RAB38: variants seen among roughly 807,000 people sequenced by gnomAD.
RAB38 encodes the protein RAB38, member RAS oncogene family, also known as ras-related protein Rab-38.
RAB38 carries 15 observed loss-of-function variants against 18.4 expected under a neutral mutation model. The observed-to-expected ratio is 0.82, with a 90% CI of 0.55 to 1.26. The LOEUF (loss-of-function observed/expected upper bound fraction) is 1.26, where lower values mean the gene tolerates loss of function less well. RAB38 is among the 50% of genes most tolerant of loss of function. RAB38 has a pLI of 0.00. For missense variants in RAB38, 294 were observed against 267.4 expected (o/e 1.10, Z -0.69); for synonymous variants, 101 against 104.4 (o/e 0.97, Z 0.20).
At chr11:88,129,109 T>G in intron 2 of RAB38, among the ~76,000 whole-genome samples, 1 of 152,150 alleles carries the variant, frequency 6.6e-6, no homozygotes, top group East Asian at 1.9e-4. Context: ...TAGAAAATAT[T>G]TTTCCGTAAA....
At chr11:87,976,118 A>T in the RAB38 span, among the ~76,000 whole-genome samples, 1 of 141,902 alleles carries the variant, frequency 7.0e-6, no homozygotes, top group Non-Finnish European at 1.6e-5. Flanking sequence ...GTGTGCGTGT[A>T]AATATATATA....
the RAB38 span, among the ~76,000 whole-genome samples, chr11:87,862,438 T>C: frequency 2.6e-5 from 4 of 152,002 alleles, no homozygotes; most frequent in African/African-American, 7.2e-5. Flanking sequence ...TGTTCTCACT[T>C]ACAAGTGGAA....
chr11:87,967,722 A>G, the RAB38 span, among the ~76,000 whole-genome samples: 2 of 152,240 alleles, frequency 1.3e-5, no homozygotes, highest in Non-Finnish European at 2.9e-5. Context: ...CCAAAGAAGA[A>G]GTGACTGATT....
the RAB38 span, among the ~76,000 whole-genome samples, chr11:88,059,681 T>C: frequency 6.6e-6 from 1 of 152,224 alleles, no homozygotes; most frequent in African/African-American, 2.4e-5. Context: ...GTCCTGAGTC[T>C]GTTACACTGA....
chr11:88,121,814 G>A (rs551561482), intron 2 of RAB38, among the ~76,000 whole-genome samples: 19 of 151,800 alleles, frequency 1.3e-4, no homozygotes, highest in Non-Finnish European at 2.4e-4. Context: ...TGCTCACCTC[G>A]GCCTCCCAAA....
the RAB38 span, among the ~76,000 whole-genome samples, chr11:88,089,332 G>A: frequency 6.6e-6 from 1 of 151,352 alleles, no homozygotes; most frequent in South Asian, 2.1e-4. Flanking sequence ...AGTGTCCCTA[G>A]TGTAAACTTT....
the RAB38 span, among the ~76,000 whole-genome samples, chr11:87,976,593 C>A: frequency 8.0e-5 from 4 of 50,116 alleles, no homozygotes; most frequent in Non-Finnish European, 1.2e-4. Context: ...ATTTTATATA[C>A]TGTCTATAAA....
chr11:88,099,717 C>T, the RAB38 span, among the ~76,000 whole-genome samples: 3 of 151,774 alleles, frequency 2.0e-5, no homozygotes, highest in Admixed American at 2.0e-4. Context: ...TATTTGATAT[C>T]CTCCTAGGAC....
intron 1 of RAB38, among the ~76,000 whole-genome samples, chr11:88,161,982 C>A (rs552881512): frequency 2.0e-5 from 3 of 152,036 alleles, no homozygotes; most frequent in East Asian, 1.9e-4. Flanking sequence ...ATATAATCAA[C>A]AGTAAATATG....
chr11:88,157,374 G>A (rs1195013872), intron 1 of RAB38, among the ~76,000 whole-genome samples: 1 of 152,186 alleles, frequency 6.6e-6, no homozygotes, highest in Non-Finnish European at 1.5e-5. Context: ...TGAAAAGACA[G>A]AGACAACCAC....
intron 2 of RAB38, among the ~76,000 whole-genome samples, chr11:88,149,062 C>T (rs1348485379): frequency 6.8e-6 from 1 of 148,016 alleles, no homozygotes; most frequent in Non-Finnish European, 1.5e-5. Context: ...TCACACCATA[C>T]AGGATCCTTC....
chr11:88,078,464 A>C, the RAB38 span, among the ~76,000 whole-genome samples: 1 of 150,336 alleles, frequency 6.7e-6, no homozygotes, highest in Non-Finnish European at 1.5e-5. Flanking sequence ...TAAAAGGATA[A>C]AGAAAATATC....
chr11:87,907,284 C>T, the RAB38 span, among the ~76,000 whole-genome samples: 1 of 151,626 alleles, frequency 6.6e-6, no homozygotes, highest in African/African-American at 2.4e-5. Context: ...TTTTGCATTG[C>T]TTTTGCTGTG....
At chr11:88,045,593 G>A in the RAB38 span, among the ~76,000 whole-genome samples, 3 of 152,190 alleles carry the variant, frequency 2.0e-5, no homozygotes, top group Admixed American at 2.0e-4. Flanking sequence ...GCCACTCCCA[G>A]AGCCCCTGGA....
the RAB38 span, among the ~76,000 whole-genome samples, chr11:87,935,421 A>G: frequency 6.6e-6 from 1 of 152,068 alleles, no homozygotes; most frequent in Non-Finnish European, 1.5e-5. Context: ...ATTTCAGACC[A>G]TGCCCTTCAG....
At chr11:87,912,421 T>C in the RAB38 span, among the ~76,000 whole-genome samples, 1 of 151,980 alleles carries the variant, frequency 6.6e-6, no homozygotes, top group Admixed American at 6.6e-5. Context: ...TGCATGAGCT[T>C]TTTATAGTTT....
intron 2 of RAB38, among the ~76,000 whole-genome samples, chr11:88,127,426 C>T (rs1441212556): frequency 1.3e-5 from 2 of 152,148 alleles, no homozygotes; most frequent in Non-Finnish European, 2.9e-5. Flanking sequence ...TTATCTAATG[C>T]TGTATCTCAG....
At chr11:87,960,906 G>A in the RAB38 span, among the ~76,000 whole-genome samples, 177 of 152,202 alleles carry the variant, frequency 1.2e-3, 1 homozygote, top group African/African-American at 4.1e-3. Context: ...AAGATGTCAC[G>A]TGGAGGATGG....
the RAB38 span, among the ~76,000 whole-genome samples, chr11:87,808,258 C>T: frequency 6.6e-6 from 1 of 152,152 alleles, no homozygotes; most frequent in African/African-American, 2.4e-5. Context: ...TCTAAGCTCC[C>T]ATGTTTAGTG....
Sources: gnomAD v4.1 joint callset for allele counts (sites outside exome capture counted in the v4.1 genomes callset) on GRCh38, gnomAD v4.1.1 for gene constraint, MANE v1.5 for transcripts, NCBI Gene and HGNC (gene_info 2026-07-23, HGNC 2026-07-21) for gene names.